The following LHFPL3 variants were observed in gnomAD, a reference collection of about 807,000 sequenced individuals.
LHFPL3 encodes the protein LHFPL tetraspan subfamily member 3, also known as LHFPL tetraspan subfamily member 3 protein.
Under a neutral mutation model 19.3 loss-of-function variants are expected in LHFPL3, and 5 were observed. That is an observed-to-expected ratio of 0.26 (90% CI 0.14 to 0.54). The LOEUF (loss-of-function observed/expected upper bound fraction) is 0.54, where lower values mean the gene tolerates loss of function less well. Ranked by LOEUF, LHFPL3 falls within the 20% of genes least tolerant of loss-of-function variation. The probability of loss-of-function intolerance (pLI) is 0.94; values close to 1 mark genes in which losing one functional copy is unlikely to be tolerated. For missense variants in LHFPL3, 249 were observed against 307.4 expected, an observed-to-expected ratio of 0.81 and a Z score of 1.42; for synonymous variants, 133 against 126.2, an observed-to-expected ratio of 1.05 and a Z score of -0.36.
At chr7:104,663,045 A>T (rs1271295707) in intron 1 of LHFPL3, among the ~76,000 whole-genome samples, 2 of 152,336 alleles carry the variant, frequency 1.3e-5, no homozygotes, top group Middle Eastern at 3.4e-3. Flanking sequence ...TTAAAAAAAT[A>T]GTGTTTATTT....
chr7:104,497,755 T>C (rs1163163297), intron 1 of LHFPL3, among the ~76,000 whole-genome samples: 1 of 152,134 alleles, frequency 6.6e-6, no homozygotes, highest in Non-Finnish European at 1.5e-5. Flanking sequence ...GGCCCTGATA[T>C]CCCGGTGTTG....
intron 1 of LHFPL3, among the ~76,000 whole-genome samples, chr7:104,728,071 G>A (rs1349656679): frequency 1.3e-5 from 2 of 152,010 alleles, no homozygotes; most frequent in Non-Finnish European, 1.5e-5. Context: ...TTGGGATGTG[G>A]GTCAAAGAAA....
At chr7:104,859,799 A>T (rs904148009) in intron 2 of LHFPL3, among the ~76,000 whole-genome samples, 1 of 152,342 alleles carries the variant, frequency 6.6e-6, no homozygotes, top group Non-Finnish European at 1.5e-5. Flanking sequence ...AAATCCATAG[A>T]ATGTATAATA....
At chr7:104,635,912 C>A (rs1034368915) in intron 1 of LHFPL3, among the ~76,000 whole-genome samples, 1 of 152,080 alleles carries the variant, frequency 6.6e-6, no homozygotes, top group Non-Finnish European at 1.5e-5. Flanking sequence ...CAGATTTGAC[C>A]TTGTAGAAAT....
At chr7:104,452,555 A>G (rs1276695137) in intron 1 of LHFPL3, among the ~76,000 whole-genome samples, 1 of 152,164 alleles carries the variant, frequency 6.6e-6, no homozygotes, top group Non-Finnish European at 1.5e-5. Flanking sequence ...CTAATGATGA[A>G]CTGGTATTTA....
At chr7:104,531,347 C>G (rs1794290039) in intron 1 of LHFPL3, among the ~76,000 whole-genome samples, 1 of 152,160 alleles carries the variant, frequency 6.6e-6, no homozygotes, top group Non-Finnish European at 1.5e-5. Context: ...CTGTTAGCCA[C>G]TGGATAAAAT....
chr7:104,430,406 A>ACG (rs1791955021), intron 1 of LHFPL3, among the ~76,000 whole-genome samples: 4 of 31,424 alleles, frequency 1.3e-4, no homozygotes, highest in African/African-American at 6.3e-4. Flanking sequence ...ATATATATAC[A>ACG]TATATATATA....
intron 1 of LHFPL3, among the ~76,000 whole-genome samples, chr7:104,341,532 T>G (rs2067735752): frequency 6.6e-6 from 1 of 152,236 alleles, no homozygotes; most frequent in South Asian, 2.1e-4. Flanking sequence ...CAAGAGAACT[T>G]ACTAAATAAG....
intron 1 of LHFPL3, among the ~76,000 whole-genome samples, chr7:104,685,009 G>A (rs73181854): frequency 0.014 from 2,067 of 152,262 alleles, 24 homozygotes; most frequent in Non-Finnish European, 0.022. Flanking sequence ...ATCCTGCCTT[G>A]GTGGTTACTT....
chr7:104,793,633 A>G (rs191519811), intron 2 of LHFPL3, among the ~76,000 whole-genome samples: 1 of 152,218 alleles, frequency 6.6e-6, no homozygotes, highest in Admixed American at 6.5e-5. Context: ...ACCTGCACTG[A>G]CAGCTGACCA....
intron 2 of LHFPL3, among the ~76,000 whole-genome samples, chr7:104,744,733 T>C (rs972989604): frequency 6.6e-6 from 1 of 152,212 alleles, no homozygotes; most frequent in Non-Finnish European, 1.5e-5. Flanking sequence ...GACCTGTCAG[T>C]AGCCTTTTCA....
Position 104,356,047 on chromosome 7 carries a change from G to A in LHFPL3, c.445+26823G>A, listed in dbSNP as rs148953359. ...GGTAGGCATTAATAACAAAGACAATGTGGAAGATTGTAGGACAAACCATCA... is the reference window on the plus strand; with the variant it reads ...GGTAGGCATTAATAACAAAGACAATATGGAAGATTGTAGGACAAACCATCA... On this transcript the variant is annotated intron_variant, in intron 1 of 2. Transcript: ENST00000424859. 5.1e-4 allele frequency among the ~76,000 whole-genome samples: 78 copies of A among 152,320 alleles called. 1 individual carries two copies. The South Asian group carries it at 8.7e-3, about 17-fold the overall frequency.
chr7:104,563,350 A>C (rs1584404316), intron 1 of LHFPL3, among the ~76,000 whole-genome samples: 1 of 152,386 alleles, frequency 6.6e-6, no homozygotes, highest in South Asian at 2.1e-4. Flanking sequence ...TGGGCGTAGG[A>C]CCCTCCGAGC....
At chr7:104,494,742 C>T (rs546368816) in intron 1 of LHFPL3, among the ~76,000 whole-genome samples, 34 of 152,258 alleles carry the variant, frequency 2.2e-4, no homozygotes, top group Non-Finnish European at 3.5e-4. Context: ...TACAAGAATT[C>T]CAAGGCTTAG....
rs74872377 is a variant in LHFPL3 at position 104,620,808 on chromosome 7, C to G, written c.446-115867C>G. The stretch of plus-strand genomic sequence containing the variant: ...CAAAGAGAAGGCTAAATGATGTACC[C>G]TGATACCTTTCTGGCAGCTGGACTG... On this transcript the variant is annotated intron_variant, in intron 1 of 2. Coordinates refer to ENST00000424859, the MANE Select transcript of LHFPL3 (RefSeq NM_199000.3). Among the ~76,000 whole-genome samples, 380 of 152,322 alleles carry G rather than the reference C, an allele frequency of 2.5e-3. 3 individuals are homozygous for G. Among genetic ancestry groups the G allele is most frequent in the African/African-American group, 8.8e-3 (366 of 41,568 alleles).
intron 1 of LHFPL3, among the ~76,000 whole-genome samples, chr7:104,687,004 C>G (rs1321430662): frequency 6.6e-6 from 1 of 152,168 alleles, no homozygotes; most frequent in Non-Finnish European, 1.5e-5. Flanking sequence ...ATCTAATCAC[C>G]TCCTACAAGG....
rs766847838 is a variant in LHFPL3, at chr7:104,836,347, A to G, written c.683-69840A>G. 6.6e-5 allele frequency among the ~76,000 whole-genome samples: 10 copies of G among 152,136 alleles called. 1 individual carries two copies. Among genetic ancestry groups the G allele is most frequent in the South Asian group, 2.1e-4 (1 of 4,828 alleles). ...TGGAGGCTTGTGAACATGGAGGGAC[A>G]TCTGATTTACATTTTTAAAGGTACT... On this transcript the variant is annotated intron_variant, in intron 2 of 2. Transcript: ENST00000424859.
rs538972352 is a variant in LHFPL3 at position 104,619,112 on chromosome 7, T to C, written c.446-117563T>C. Among the ~76,000 whole-genome samples the C allele has an allele frequency of 3.3e-5, 5 of 152,308 alleles. No individual in the cohort carries two copies. In the East Asian group the frequency reaches 5.8e-4, roughly 18 times the overall value. On this transcript the variant is annotated intron_variant, in intron 1 of 2. Transcript: ENST00000424859. ...GCTTTGGAGAGTGAGAAGCTGGACA[T>C]GCTTTTTAAAACTGTTGATTTTGTT...
At chr7:104,370,061 A>C in intron 1 of LHFPL3, among the ~76,000 whole-genome samples, 1 of 152,220 alleles carries the variant, frequency 6.6e-6, no homozygotes, top group East Asian at 1.9e-4. Context: ...AAAAGGCCAG[A>C]AAAGAACACA....
Sources: gnomAD v4.1 joint callset for allele counts (sites outside exome capture counted in the v4.1 genomes callset) on GRCh38, gnomAD v4.1.1 for gene constraint, MANE v1.5 for transcripts, NCBI Gene and HGNC (gene_info 2026-07-23, HGNC 2026-07-21) for gene names.